HDAC8: variants seen among roughly 807,000 people sequenced by gnomAD.
The protein encoded by HDAC8 is histone deacetylase 8.
HDAC8 carries 1 observed loss-of-function variant against 32.2 expected under a neutral mutation model. The ratio of observed to expected loss-of-function variants is 0.03; its 90% CI spans 0.01 to 0.15. HDAC8 has a LOEUF of 0.15. Among genes scored for constraint, HDAC8 ranks in the 10% least tolerant of loss-of-function variants. HDAC8 has a pLI of 1.00. For synonymous variants in HDAC8, 108 were observed against 113.9 expected (o/e 0.95, Z 0.33); for missense variants, 117 against 300.0 (o/e 0.39, Z 4.51).
intron 9 of HDAC8, among the ~76,000 whole-genome samples, chrX:72,456,280 C>G (rs1412445366): frequency 9.0e-6 from 1 of 111,297 alleles, no homozygotes; most frequent in Non-Finnish European, 1.9e-5. Context: ...TGGATTTATT[C>G]TACTTAAAAT....
intron 9 of HDAC8, among the ~76,000 whole-genome samples, chrX:72,372,477 C>T (rs1259234225): frequency 3.6e-5 from 4 of 111,229 alleles, no homozygotes; most frequent in Non-Finnish European, 5.7e-5. Flanking sequence ...CATGAATGAA[C>T]GGATGGATGA....
chrX:72,562,007 C>G (rs1556121257), intron 4 of HDAC8, among the ~76,000 whole-genome samples: 1 of 111,378 alleles, frequency 9.0e-6, no homozygotes, highest in Non-Finnish European at 1.9e-5. Flanking sequence ...CAAGAATGGC[C>G]ATAATAAAAA....
In HDAC8 at chrX:72,506,130, G is replaced by A. The variant is rs2049383143; in HGVS notation, c.438-10862C>T. ...TATAAACCTAGACGAACACAGAACT[G>A]CAGCCGACCATGCATGACTAGAATT... On this transcript the variant is annotated intron_variant, in intron 4 of 10. Transcript: ENST00000373573. 4.5e-5 allele frequency among the ~76,000 whole-genome samples: 5 copies of A among 111,717 alleles called. No individual in the cohort carries two copies. In the South Asian group the frequency reaches 1.9e-3, roughly 42 times the overall value.
At chrX:72,345,652 G>A (rs1287569069) in intron 10 of HDAC8, among the ~76,000 whole-genome samples, 2 of 111,169 alleles carry the variant, frequency 1.8e-5, no homozygotes, top group Non-Finnish European at 3.8e-5. Context: ...GTAACTTTGG[G>A]GAGCAGTCTC....
intron 9 of HDAC8, among the ~76,000 whole-genome samples, chrX:72,405,887 T>C (rs1319153967): frequency 2.7e-5 from 3 of 112,349 alleles, no homozygotes; most frequent in Non-Finnish European, 5.6e-5. Context: ...TTTCTATGTA[T>C]TCTGTTTAGT....
At chrX:72,395,930 G>T (rs1170097348) in intron 9 of HDAC8, among the ~76,000 whole-genome samples, 1 of 111,786 alleles carries the variant, frequency 8.9e-6, no homozygotes, top group Non-Finnish European at 1.9e-5. Flanking sequence ...GAGACTAGGA[G>T]TGTAAATATG....
intron 9 of HDAC8, among the ~76,000 whole-genome samples, chrX:72,363,436 C>T (rs2044608487): frequency 9.0e-6 from 1 of 111,411 alleles, no homozygotes; most frequent in African/African-American, 3.3e-5. Flanking sequence ...AAGAATTGAT[C>T]CTTACACTAC....
chrX:72,420,185 T>C (rs1481882052), intron 9 of HDAC8, among the ~76,000 whole-genome samples: 1 of 112,029 alleles, frequency 8.9e-6, no homozygotes, highest in Admixed American at 9.5e-5. Context: ...TGTTAATCTT[T>C]AAATGTCTGG....
intron 4 of HDAC8, among the ~76,000 whole-genome samples, chrX:72,512,685 C>G (rs1000014819): frequency 9.0e-6 from 1 of 111,044 alleles, no homozygotes; most frequent in Non-Finnish European, 1.9e-5. Flanking sequence ...CAGAGCGTTG[C>G]AGAGCCTCTG....
intron 4 of HDAC8, among the ~76,000 whole-genome samples, chrX:72,536,256 A>G (rs1252164740): frequency 8.9e-6 from 1 of 111,753 alleles, no homozygotes; most frequent in African/African-American, 3.3e-5. Flanking sequence ...TGGAAAAAAC[A>G]GAAATCTTTC....
At chrX:72,435,533 G>GA in intron 9 of HDAC8, among the ~76,000 whole-genome samples, 1 of 111,298 alleles carries the variant, frequency 9.0e-6, no homozygotes, top group Admixed American at 9.5e-5. Flanking sequence ...GAAACACAAT[G>GA]AAAAAAAGAG....
intron 9 of HDAC8, among the ~76,000 whole-genome samples, chrX:72,439,110 G>A (rs2047042155): frequency 8.9e-6 from 1 of 111,934 alleles, no homozygotes; most frequent in South Asian, 3.8e-4. Flanking sequence ...ACTAACAGCA[G>A]ACCTCTCTGC....
intron 7 of HDAC8, among the ~76,000 whole-genome samples, chrX:72,472,367 C>T (rs1388691697): frequency 9.0e-6 from 1 of 111,324 alleles, no homozygotes; most frequent in African/African-American, 3.3e-5. Context: ...GCGCCCGGCC[C>T]AACTTTATTC....
intron 4 of HDAC8, among the ~76,000 whole-genome samples, chrX:72,549,830 G>A (rs181991204): frequency 4.5e-5 from 5 of 111,500 alleles, no homozygotes; most frequent in Admixed American, 3.8e-4. Flanking sequence ...GCTCATCACC[G>A]CTGCTTTCAT....
chrX:72,366,578 G>C (rs1411139138), intron 9 of HDAC8, among the ~76,000 whole-genome samples: 1 of 112,135 alleles, frequency 8.9e-6, no homozygotes, highest in African/African-American at 3.2e-5. Context: ...CCACTGGGCA[G>C]TGTTCTCCTC....
chrX:72,381,230 T>C (rs781829433), intron 9 of HDAC8, among the ~76,000 whole-genome samples: 1 of 112,012 alleles, frequency 8.9e-6, no homozygotes, highest in South Asian at 3.8e-4. Flanking sequence ...GTCTTTGGGA[T>C]AAAGACCCAG....
rs147030818 is a variant in HDAC8, at chrX:72,546,329, G to C, written c.437+21560C>G. Among the ~76,000 whole-genome samples, 36 of 111,656 alleles carry C rather than the reference G, an allele frequency of 3.2e-4. No individual in the cohort carries two copies. In the East Asian group the frequency reaches 9.9e-3, roughly 31 times the overall value. ...AACTGGCATAGATCCTATGTTGCTG[G>C]ACAGAAGGCTGAAATGTTATGGGAC... On this transcript the variant is annotated intron_variant, in intron 4 of 10. Coordinates refer to ENST00000373573, the MANE Select transcript of HDAC8 (RefSeq NM_018486.3).
chrX:72,378,030 G>T, intron 9 of HDAC8, among the ~76,000 whole-genome samples: 1 of 109,197 alleles, frequency 9.2e-6, no homozygotes, highest in South Asian at 3.9e-4. Context: ...GTATATATAT[G>T]TATATGTATA....
chrX:72,413,232 A>G (rs1358892289), intron 9 of HDAC8, among the ~76,000 whole-genome samples: 2 of 107,978 alleles, frequency 1.9e-5, no homozygotes, highest in Non-Finnish European at 3.8e-5. Context: ...TCATCATTTA[A>G]CATTAAGTAT....
Sources: allele counts gnomAD v4.1 joint callset (sites outside exome capture counted in the v4.1 genomes callset), GRCh38; gene constraint gnomAD v4.1.1; transcripts MANE v1.5; gene names NCBI Gene and HGNC (gene_info 2026-07-23, HGNC 2026-07-21).